PHKA1: variants seen among roughly 807,000 people sequenced by gnomAD.
PHKA1 encodes the protein phosphorylase b kinase regulatory subunit alpha, skeletal muscle isoform.
Under a neutral mutation model 110.2 loss-of-function variants are expected in PHKA1, and 60 were observed. The ratio of observed to expected loss-of-function variants is 0.54; its 90% CI spans 0.44 to 0.68. The LOEUF (loss-of-function observed/expected upper bound fraction) is 0.68, where lower values mean the gene tolerates loss of function less well. Among genes scored for constraint, PHKA1 ranks in the 30% least tolerant of loss-of-function variants. PHKA1 has a pLI of 0.00. For missense variants in PHKA1, 801 were observed against 942.5 expected (o/e 0.85, Z 1.97); for synonymous variants, 316 against 333.6 (o/e 0.95, Z 0.58).
intron 13 of PHKA1, among the ~76,000 whole-genome samples, chrX:72,649,013 G>C (rs2053395426): frequency 8.9e-6 from 1 of 111,751 alleles, no homozygotes; most frequent in Admixed American, 9.5e-5. Flanking sequence ...GCTGTAGCCA[G>C]GCCTCAAAGT....
At chrX:72,586,174 G>C (rs1360302387) in intron 29 of PHKA1, among the ~76,000 whole-genome samples, 1 of 111,840 alleles carries the variant, frequency 8.9e-6, no homozygotes, top group Non-Finnish European at 1.9e-5. Context: ...CCTACTAGGG[G>C]CTGAATGACA....
chrX:72,699,128 T>G (rs1243915520), intron 3 of PHKA1, among the ~76,000 whole-genome samples: 1 of 110,772 alleles, frequency 9.0e-6, no homozygotes, highest in Non-Finnish European at 1.9e-5. Context: ...GTGAACAAGT[T>G]TTGTCTAATT....
chrX:72,648,112 T>C (rs781959824), intron 13 of PHKA1, among the ~76,000 whole-genome samples: 1 of 111,144 alleles, frequency 9.0e-6, no homozygotes, highest in Admixed American at 9.6e-5. Flanking sequence ...AGAAAGAAGC[T>C]ATATAGTGTA....
intron 18 of PHKA1, chrX:72,622,648 G>C (rs2052996809): frequency 2.7e-6 from 2 of 749,625 alleles, no homozygotes; most frequent in African/African-American, 4.6e-5. Context: ...TACTGAATAG[G>C]CTTTTTCAAA....
intron 16 of PHKA1, among the ~76,000 whole-genome samples, chrX:72,634,591 G>A (rs905238012): frequency 9.3e-6 from 1 of 107,268 alleles, no homozygotes; most frequent in Admixed American, 1.0e-4. Context: ...AAGAGGAAAC[G>A]TAAGCCAAAA....
chrX:72,709,877 C>T (rs2054341413), intron 2 of PHKA1, among the ~76,000 whole-genome samples: 1 of 108,910 alleles, frequency 9.2e-6, no homozygotes, highest in Non-Finnish European at 1.9e-5. Context: ...CCCATCTCTA[C>T]TAAAAATACA....
At chrX:72,646,988 C>T (rs1002232742) in intron 13 of PHKA1, among the ~76,000 whole-genome samples, 14 of 110,055 alleles carry the variant, frequency 1.3e-4, no homozygotes, top group African/African-American at 4.6e-4. Context: ...AAAAATTAGC[C>T]AGGTGTGGAG....
intron 29 of PHKA1, among the ~76,000 whole-genome samples, chrX:72,586,707 C>A (rs1056329533): frequency 1.8e-5 from 2 of 110,022 alleles, no homozygotes; most frequent in African/African-American, 6.6e-5. Context: ...GAATGGCTAA[C>A]TAGAATAAAC....
Position 72,635,212 on chromosome X carries a change from G to A in PHKA1, c.1657C>T (p.Arg553Cys), listed in dbSNP as rs782021325. Reference sequence around the variant, plus strand: ...GTGGGCTGGCCTGTCATCCGCCAGCGGCTACAGAGGTAGGAGAGGTCTGTT... The same window carrying A: ...GTGGGCTGGCCTGTCATCCGCCAGCAGCTACAGAGGTAGGAGAGGTCTGTT... Reference protein sequence around the residue: ...LRTDLSYLCSRWRMTGQPTIT... With the variant: ...LRTDLSYLCSCWRMTGQPTIT... Residue 553 changes from arginine to cysteine, a missense_variant, in exon 16 of 32, where the codon CGC becomes TGC. By Grantham distance (180) the Arg-to-Cys change is radical (BLOSUM62 -3). Around this residue, in one of 2 missense-constraint regions of PHKA1, gnomAD observed 299 missense variants for 423.3 expected, o/e 0.71. Coordinates refer to ENST00000373542, the MANE Select transcript of PHKA1 (RefSeq NM_002637.4). The A allele has an allele frequency of 6.6e-6, 8 of 1,209,605 alleles. No homozygotes were observed. The highest frequency in any genetic ancestry group is 4.4e-5 in the Admixed American group (2 of 45,784).
At chrX:72,666,852 G>T (rs2053620839) in intron 7 of PHKA1, among the ~76,000 whole-genome samples, 1 of 112,114 alleles carries the variant, frequency 8.9e-6, no homozygotes, top group South Asian at 3.7e-4. Context: ...TCTAATCAGG[G>T]TTTGAAGGAA....
intron 21 of PHKA1, among the ~76,000 whole-genome samples, chrX:72,616,852 C>T (rs969727282): frequency 9.0e-6 from 1 of 111,718 alleles, no homozygotes; most frequent in Non-Finnish European, 1.9e-5. Flanking sequence ...ACAGGAGAAA[C>T]CACAGAAACT....
chrX:72,662,716 C>T (rs2053574581), intron 8 of PHKA1, among the ~76,000 whole-genome samples: 1 of 111,845 alleles, frequency 8.9e-6, no homozygotes, highest in African/African-American at 3.3e-5. Context: ...CAGGAGCCCA[C>T]CCCTAGCAAA....
intron 8 of PHKA1, among the ~76,000 whole-genome samples, chrX:72,661,743 C>CAAAAAAA (rs782779792): frequency 3.0e-5 from 1 of 33,112 alleles, no homozygotes; most frequent in Admixed American, 3.7e-4. Flanking sequence ...AATGTACTGA[C>CAAAAAAA]AAAAAAAAAA....
chrX:72,621,470 T>A (rs2052978772), intron 18 of PHKA1, among the ~76,000 whole-genome samples: 1 of 111,872 alleles, frequency 8.9e-6, no homozygotes, highest in Non-Finnish European at 1.9e-5. Flanking sequence ...ATACCTTCTA[T>A]AACATTATCT....
rs782072517 is a variant in PHKA1, at chrX:72,613,528, A to AT, written c.2370-2345dup. ...TTAAAAATTTTTGAACCATAGGAAT[A>AT]TATCTATTCAATATATTAAATTAAA... On this transcript the variant is annotated intron_variant, in intron 21 of 31. Coordinates refer to ENST00000373542, the MANE Select transcript of PHKA1 (RefSeq NM_002637.4). 1.3e-3 allele frequency among the ~76,000 whole-genome samples: 146 copies of AT among 111,709 alleles called. No homozygotes were observed. The Middle Eastern group carries it at 0.023, about 18-fold the overall frequency.
intron 6 of PHKA1, among the ~76,000 whole-genome samples, chrX:72,668,765 T>G: frequency 9.0e-6 from 1 of 111,595 alleles, no homozygotes; most frequent in Non-Finnish European, 1.9e-5. Flanking sequence ...TTCTCACATA[T>G]AAATACATTC....
intron 14 of PHKA1, among the ~76,000 whole-genome samples, chrX:72,642,019 C>A (rs782585424): frequency 8.9e-6 from 1 of 111,781 alleles, no homozygotes; most frequent in Non-Finnish European, 1.9e-5. Context: ...AATAAGTGAG[C>A]AATAAATGCT....
rs980228442 is a variant in PHKA1, at chrX:72,664,892, C to T, written c.864+1259G>A. Among the ~76,000 whole-genome samples the T allele has an allele frequency of 6.3e-5, 7 of 110,356 alleles. No individual in the cohort carries two copies. In the Admixed American group the frequency reaches 6.7e-4, roughly 11 times the overall value. Reference sequence around the variant, plus strand: ...TAAACGAAAATGGAAACATAACATCCCAAAACCTGTGGGATACAGCAAAAG... The same window carrying T: ...TAAACGAAAATGGAAACATAACATCTCAAAACCTGTGGGATACAGCAAAAG... On this transcript the variant is annotated intron_variant, in intron 8 of 31. Coordinates refer to ENST00000373542, the MANE Select transcript of PHKA1 (RefSeq NM_002637.4).
At chrX:72,597,301 C>T (rs2052603381) in intron 28 of PHKA1, among the ~76,000 whole-genome samples, 1 of 112,001 alleles carries the variant, frequency 8.9e-6, no homozygotes, top group Non-Finnish European at 1.9e-5. Flanking sequence ...TTATGTTGAA[C>T]GTTTGCTTTC....
Sources: gnomAD v4.1 joint callset for allele counts (sites outside exome capture counted in the v4.1 genomes callset) on GRCh38, gnomAD v4.1.1 for gene constraint, gnomAD v4.1.1 regional missense constraint, MANE v1.5 for transcripts, NCBI Gene and HGNC (gene_info 2026-07-23, HGNC 2026-07-21) for gene names.